APOOL: variants seen among roughly 807,000 people sequenced by gnomAD.
The protein encoded by APOOL is apolipoprotein O like, also known as MICOS complex subunit MIC27.
Under a neutral mutation model 23.1 loss-of-function variants are expected in APOOL, and 12 were observed. The observed-to-expected ratio is 0.52, with a 90% confidence interval of 0.33 to 0.84. APOOL has a LOEUF of 0.84. Among genes scored for constraint, APOOL ranks in the 40% least tolerant of loss-of-function variants. The pLI, the probability that APOOL is intolerant of heterozygous loss-of-function variation, is 0.02. For missense variants in APOOL, 212 were observed against 199.6 expected, an observed-to-expected ratio of 1.06 and a Z score of -0.37; for synonymous variants, 77 against 69.9, an observed-to-expected ratio of 1.10 and a Z score of -0.51.
At chrX:85,063,864 T>C (rs1602780976) in intron 5 of APOOL, among the ~76,000 whole-genome samples, 1 of 111,123 alleles carries the variant, frequency 9.0e-6, no homozygotes, top group East Asian at 2.8e-4. Flanking sequence ...TGCCAGGCTT[T>C]GGTATCAGGA....
rs1382668826 is a variant in APOOL at position 85,034,809 on chromosome X, T to C, written c.16-11637T>C. Among the ~76,000 whole-genome samples, 6 of 112,394 alleles carry C rather than the reference T, an allele frequency of 5.3e-5. No homozygotes were observed. In the East Asian group the frequency reaches 1.7e-3, roughly 31 times the overall value. ...GACATGCTTTCTTCTTTTTTATGGA[T>C]GCATAGTATTCCATGGTGTATATGT... is the stretch of plus-strand genomic sequence containing the variant. On this transcript the variant is annotated intron_variant, in intron 1 of 8. Coordinates refer to ENST00000373173, the MANE Select transcript of APOOL (RefSeq NM_198450.6).
Position 85,046,564 on chromosome X carries a change from A to G in APOOL, c.120+14A>G. On this transcript the variant is annotated intron_variant, in intron 2 of 8. Coordinates refer to ENST00000373173, the MANE Select transcript of APOOL (RefSeq NM_198450.6). ...AAACCAGAGCAGGTAATTTGCCTAC[A>G]AAGGTTTATGAACTTTGTATAATAT... is the stretch of plus-strand genomic sequence containing the variant. The G allele has an allele frequency of 8.7e-7, 1 of 1,152,929 alleles. No homozygotes were observed. Among genetic ancestry groups the G allele is most frequent in the Non-Finnish European group, 1.2e-6 (1 of 846,396 alleles).
At chrX:85,014,864 A>G (rs143385601) in intron 1 of APOOL, among the ~76,000 whole-genome samples, 150 of 109,895 alleles carry the variant, frequency 1.4e-3, no homozygotes, top group African/African-American at 4.6e-3. Flanking sequence ...GGATGTTTAG[A>G]TCTCTAGCAA....
intron 1 of APOOL, among the ~76,000 whole-genome samples, chrX:85,044,527 C>T (rs774586956): frequency 2.7e-5 from 3 of 110,568 alleles, no homozygotes; most frequent in African/African-American, 3.3e-5. Context: ...GTGATCCACC[C>T]GCCTCGGCCT....
At chrX:85,059,657 T>C (rs1179300070) in intron 5 of APOOL, among the ~76,000 whole-genome samples, 1 of 109,988 alleles carries the variant, frequency 9.1e-6, no homozygotes, top group African/African-American at 3.3e-5. Flanking sequence ...CATGTGTTTT[T>C]TGGCTGCATA....
chrX:85,065,249 C>A (rs1202614754), intron 5 of APOOL, among the ~76,000 whole-genome samples: 1 of 111,378 alleles, frequency 9.0e-6, no homozygotes, highest in Non-Finnish European at 1.9e-5. Flanking sequence ...TCCTCCATCC[C>A]TTTATTTTGA....
chrX:85,040,466 T>C (rs1922367819), intron 1 of APOOL, among the ~76,000 whole-genome samples: 1 of 112,348 alleles, frequency 8.9e-6, no homozygotes, highest in South Asian at 3.7e-4. Flanking sequence ...GACGTTTTCA[T>C]GGACAATATT....
chrX:85,016,876 T>C (rs66644611), intron 1 of APOOL, among the ~76,000 whole-genome samples: 5,988 of 112,337 alleles, frequency 0.053, 361 homozygotes, highest in African/African-American at 0.18. Flanking sequence ...GTGCTCTCCC[T>C]CTTCTTAGGA....
In APOOL at chrX:85,087,713, C is replaced by T. The variant is rs963304807; in HGVS notation, c.*35C>T. 4 of 1,072,765 alleles carry T rather than the reference C, an allele frequency of 3.7e-6. No individual in the cohort carries two copies. Among genetic ancestry groups the T allele is most frequent in the African/African-American group, 1.9e-5 (1 of 52,955 alleles). The allele number at this position is 1,072,765 out of a possible 1,213,427, so 88.4% of individuals were successfully genotyped here. A position where few individuals can be genotyped will look rare whatever the true frequency, so the allele number is the denominator to read the frequency against. Reference sequence around the variant, plus strand: ...CATGCAGAGACTACACAGAAAACTACAAGATGTGTGGCGTTGCAAATAATG... The same window carrying T: ...CATGCAGAGACTACACAGAAAACTATAAGATGTGTGGCGTTGCAAATAATG... On this transcript the variant is annotated 3_prime_UTR_variant, in exon 9 of 9. Transcript: ENST00000373173.
At chrX:85,067,975 C>T in intron 6 of APOOL, among the ~76,000 whole-genome samples, 1 of 110,613 alleles carries the variant, frequency 9.0e-6, no homozygotes, top group Non-Finnish European at 1.9e-5. Context: ...TTACTTCATC[C>T]CTTTAACTAT....
At chrX:85,060,943 T>C (rs1307676127) in intron 5 of APOOL, among the ~76,000 whole-genome samples, 1 of 111,146 alleles carries the variant, frequency 9.0e-6, no homozygotes, top group Non-Finnish European at 1.9e-5. Flanking sequence ...GAGAGGGGGC[T>C]TCCCTGTCTT....
chrX:85,074,199 G>C, intron 7 of APOOL, 75 bp from the exon 8 acceptor site: 1 of 1,173,675 alleles, frequency 8.5e-7, no homozygotes, highest in South Asian at 1.9e-5. Context: ...CAGAGGTCGA[G>C]GATAAAATGA....
chrX:85,035,379 TTG>T (rs1433988523), intron 1 of APOOL, among the ~76,000 whole-genome samples: 1 of 111,038 alleles, frequency 9.0e-6, no homozygotes, highest in Non-Finnish European at 1.9e-5. Context: ...GATGCATAGT[TTG>T]TGAATATTTC....
At chrX:85,060,405 A>G (rs1460482194) in intron 5 of APOOL, among the ~76,000 whole-genome samples, 1 of 107,210 alleles carries the variant, frequency 9.3e-6, no homozygotes, top group Non-Finnish European at 1.9e-5. Context: ...TTTTTTTCCA[A>G]TTCTGTGAAG....
chrX:85,073,906 G>A (rs1923750622), intron 6 of APOOL, 92 bp from the exon 7 acceptor site: 7 of 545,631 alleles, frequency 1.3e-5, no homozygotes, highest in Non-Finnish European at 1.7e-5. Context: ...TCTGACTTGA[G>A]TGTTCATATA....
At chrX:85,078,089 T>C (rs1923930806) in intron 8 of APOOL, among the ~76,000 whole-genome samples, 2 of 111,998 alleles carry the variant, frequency 1.8e-5, no homozygotes, top group African/African-American at 6.5e-5. Context: ...AGCTCTTTAG[T>C]TTAATTAGAT....
chrX:85,021,142 T>G (rs1921650325), intron 1 of APOOL, among the ~76,000 whole-genome samples: 1 of 111,617 alleles, frequency 9.0e-6, no homozygotes. Context: ...TGTGGCCCCA[T>G]GCCCCAGCAG....
intron 1 of APOOL, among the ~76,000 whole-genome samples, chrX:85,026,660 A>G (rs375635842): frequency 8.5e-4 from 95 of 111,735 alleles, no homozygotes; most frequent in African/African-American, 3.0e-3. Flanking sequence ...TTTTTTTTCT[A>G]CCAGATAGGC....
intron 8 of APOOL, among the ~76,000 whole-genome samples, chrX:85,087,045 A>G (rs1269237504): frequency 9.0e-6 from 1 of 111,062 alleles, no homozygotes; most frequent in Non-Finnish European, 1.9e-5. Flanking sequence ...TCTACTCAAA[A>G]TTGTCCAGTA....
Sources: gnomAD v4.1 joint callset for allele counts (sites outside exome capture counted in the v4.1 genomes callset) on GRCh38, gnomAD v4.1.1 for gene constraint, MANE v1.5 for transcripts, NCBI Gene and HGNC (gene_info 2026-07-23, HGNC 2026-07-21) for gene names.